Variants in ADAMTS6 observed in about 807,000 individuals in gnomAD.
The protein encoded by ADAMTS6 is A disintegrin and metalloproteinase with thrombospondin motifs 6.
A neutral mutation model predicts 144.3 loss-of-function variants in ADAMTS6; 23 were observed. The ratio of observed to expected loss-of-function variants is 0.16; its 90% CI spans 0.11 to 0.23. The LOEUF (loss-of-function observed/expected upper bound fraction) is 0.23, where lower values mean the gene tolerates loss of function less well. ADAMTS6 is among the 10% of genes least tolerant of loss of function. The pLI, the probability that ADAMTS6 is intolerant of heterozygous loss-of-function variation, is 1.00. For missense variants in ADAMTS6, 999 were observed against 1,379.6 expected, an observed-to-expected ratio of 0.72 and a Z score of 4.37; for synonymous variants, 444 against 457.5, an observed-to-expected ratio of 0.97 and a Z score of 0.38.
At chr5:65,373,650 T>C (rs1751206426) in intron 7 of ADAMTS6, among the ~76,000 whole-genome samples, 1 of 152,236 alleles carries the variant, frequency 6.6e-6, no homozygotes, top group African/African-American at 2.4e-5. Flanking sequence ...CAGGACCAGA[T>C]GGATTCACAG....
chr5:65,456,452 C>T (rs1314352831), intron 4 of ADAMTS6, among the ~76,000 whole-genome samples: 1 of 152,130 alleles, frequency 6.6e-6, no homozygotes, highest in Non-Finnish European at 1.5e-5. Flanking sequence ...TGAATATATA[C>T]AGCCATTCAC....
chr5:65,424,432 G>A (rs942140396), intron 7 of ADAMTS6, among the ~76,000 whole-genome samples: 11 of 152,174 alleles, frequency 7.2e-5, no homozygotes, highest in African/African-American at 2.7e-4. Context: ...CTGTTTTATT[G>A]TATTGTCAAT....
chr5:65,156,354 A>G (rs1042220273), intron 24 of ADAMTS6, among the ~76,000 whole-genome samples: 10 of 152,094 alleles, frequency 6.6e-5, no homozygotes, highest in Admixed American at 6.6e-5. Flanking sequence ...CCAAAAAAAC[A>G]AAAACAAAAA....
At chr5:65,384,608 T>C (rs966131093) in intron 7 of ADAMTS6, among the ~76,000 whole-genome samples, 4 of 152,212 alleles carry the variant, frequency 2.6e-5, no homozygotes, top group South Asian at 2.1e-4. Context: ...CATAACCACT[T>C]AAGTAATCTC....
chr5:65,209,953 C>T (rs1338231125), intron 20 of ADAMTS6: 1 of 161,956 alleles, frequency 6.2e-6, no homozygotes, highest in Non-Finnish European at 1.4e-5. Flanking sequence ...CACCCAAATA[C>T]AGGTTGATAG....
intron 7 of ADAMTS6, among the ~76,000 whole-genome samples, chr5:65,411,841 C>T (rs1364542858): frequency 6.6e-6 from 1 of 152,126 alleles, no homozygotes; most frequent in African/African-American, 2.4e-5. Flanking sequence ...TTCTAGAGTG[C>T]TCTTTAGTTC....
intron 24 of ADAMTS6, among the ~76,000 whole-genome samples, chr5:65,156,140 G>C (rs1312682865): frequency 1.3e-5 from 2 of 152,224 alleles, no homozygotes; most frequent in East Asian, 3.9e-4. Flanking sequence ...AGCTTAGCTA[G>C]AGAGGACTGA....
At chr5:65,239,263 T>A (rs867101379) in intron 15 of ADAMTS6, among the ~76,000 whole-genome samples, 45 of 142,892 alleles carry the variant, frequency 3.1e-4, no homozygotes, top group Non-Finnish European at 2.6e-4. Context: ...ACTTAATGTA[T>A]AAAAAAAAAA....
At chr5:65,360,252 TAC>T (rs1749702090) in intron 7 of ADAMTS6, among the ~76,000 whole-genome samples, 2 of 152,004 alleles carry the variant, frequency 1.3e-5, no homozygotes, top group South Asian at 4.1e-4. Flanking sequence ...TAGAAGGTGC[TAC>T]ACACTTTTAA....
Position 65,473,596 on chromosome 5 carries a change from C to G in ADAMTS6, c.78G>C (p.Arg26Ser). The change falls in exon 2 of 25, where the codon AGG becomes AGC. Residue 26 changes from arginine (R) to serine (S), a missense_variant. Physicochemically the swap from Arg to Ser is moderately radical, Grantham distance 110. This residue lies in a region of ADAMTS6 where 252 missense variants were observed against 293.7 expected (regional missense o/e 0.86). Transcript: ENST00000381055. ...TCCTACCTTGAGAACTGTATGAAAG[C>G]CTGTGGTCACTATGAAATTCCGATG... Reference protein sequence around the residue: ...MASSEFHSDHRLSYSSQEEFL... With the variant: ...MASSEFHSDHSLSYSSQEEFL... The G allele has an allele frequency of 1.2e-6, 2 of 1,613,592 alleles. No individual in the cohort carries two copies. Among genetic ancestry groups the G allele is most frequent in the Non-Finnish European group, 1.7e-6 (2 of 1,179,612 alleles).
chr5:65,423,233 G>C (rs1351219105), intron 7 of ADAMTS6, among the ~76,000 whole-genome samples: 2 of 152,180 alleles, frequency 1.3e-5, no homozygotes, highest in African/African-American at 2.4e-5. Flanking sequence ...ACACTCTTCA[G>C]GTGGTGGGTG....
intron 7 of ADAMTS6, among the ~76,000 whole-genome samples, chr5:65,376,220 C>A (rs1025919887): frequency 6.6e-6 from 1 of 151,962 alleles, no homozygotes; most frequent in Non-Finnish European, 1.5e-5. Flanking sequence ...ATGTAACTAA[C>A]CTGCACATTG....
At chr5:65,286,698 G>A (rs993677986) in intron 11 of ADAMTS6, among the ~76,000 whole-genome samples, 25 of 152,148 alleles carry the variant, frequency 1.6e-4, no homozygotes, top group Non-Finnish European at 2.8e-4. Flanking sequence ...AACAATAATT[G>A]AGATTTGATT....
chr5:65,179,154 G>C (rs1456668313), intron 22 of ADAMTS6, among the ~76,000 whole-genome samples: 1 of 152,192 alleles, frequency 6.6e-6, no homozygotes, highest in Non-Finnish European at 1.5e-5. Context: ...GTACAGTAAG[G>C]ACTTCAACTG....
At chr5:65,173,605 G>A (rs1182902990) in intron 22 of ADAMTS6, among the ~76,000 whole-genome samples, 4 of 152,320 alleles carry the variant, frequency 2.6e-5, no homozygotes, top group East Asian at 1.9e-4. Context: ...AGGGAAGGAT[G>A]TTTTTCCCTA....
intron 15 of ADAMTS6, among the ~76,000 whole-genome samples, chr5:65,241,482 C>T (rs1339960196): frequency 2.0e-5 from 3 of 152,002 alleles, no homozygotes; most frequent in Non-Finnish European, 2.9e-5. Flanking sequence ...CCACCTGCCT[C>T]GGCCTCCCAA....
At chr5:65,452,352 C>T (rs1406185113) in intron 5 of ADAMTS6, 136 bp from the exon 6 acceptor site, 3 of 657,722 alleles carry the variant, frequency 4.6e-6, no homozygotes, top group African/African-American at 3.7e-5. Context: ...TAGAACTCTA[C>T]CTTCAAGGTG....
At chr5:65,408,947 C>G (rs967818267) in intron 7 of ADAMTS6, among the ~76,000 whole-genome samples, 2 of 152,118 alleles carry the variant, frequency 1.3e-5, no homozygotes, top group African/African-American at 2.4e-5. Context: ...TTCTTTGAAA[C>G]CAATGAGAAC....
At chr5:65,388,026 C>T (rs920575138) in intron 7 of ADAMTS6, among the ~76,000 whole-genome samples, 16 of 100 alleles carry the variant, frequency 0.16, 1 homozygote, top group African/African-American at 0.35. Flanking sequence ...GCCTGGCCAA[C>T]GTGGCAAAAC....
Sources: gnomAD v4.1 joint callset for allele counts (sites outside exome capture counted in the v4.1 genomes callset) on GRCh38, gnomAD v4.1.1 for gene constraint, gnomAD v4.1.1 regional missense constraint, MANE v1.5 for transcripts, NCBI Gene and HGNC (gene_info 2026-07-23, HGNC 2026-07-21) for gene names.